The following DEPDC1B variants were observed in gnomAD, a reference collection of about 807,000 sequenced individuals.
DEPDC1B encodes DEP domain containing 1B, also known as DEP domain-containing protein 1B.
DEPDC1B carries 51 observed loss-of-function variants against 66.5 expected under a neutral mutation model. The ratio of observed to expected loss-of-function variants is 0.77; its 90% confidence interval spans 0.61 to 0.97. The LOEUF is 0.97. DEPDC1B is among the 50% of genes least tolerant of loss of function. The pLI, the probability that DEPDC1B is intolerant of heterozygous loss-of-function variation, is 0.00. For synonymous variants in DEPDC1B, 226 were observed against 223.6 expected, an observed-to-expected ratio of 1.01 and a Z score of -0.10; for missense variants, 552 against 637.1, an observed-to-expected ratio of 0.87 and a Z score of 1.44.
intron 2 of DEPDC1B, among the ~76,000 whole-genome samples, chr5:60,662,378 A>C (rs1753736995): frequency 6.6e-6 from 1 of 151,486 alleles, no homozygotes; most frequent in African/African-American, 2.4e-5. Flanking sequence ...ACAGAGTGAG[A>C]CTCCGTCTCA....
intron 7 of DEPDC1B, among the ~76,000 whole-genome samples, chr5:60,631,571 G>C (rs1752925589): frequency 6.6e-6 from 1 of 152,212 alleles, no homozygotes; most frequent in Non-Finnish European, 1.5e-5. Context: ...GGGAAAGCAA[G>C]TGGATTCTGG....
intron 1 of DEPDC1B, among the ~76,000 whole-genome samples, chr5:60,690,609 T>C (rs1338642405): frequency 6.6e-6 from 1 of 152,226 alleles, no homozygotes; most frequent in Non-Finnish European, 1.5e-5. Context: ...CATTTTCTCT[T>C]ACTCTTCTCT....
chr5:60,637,473 G>A (rs2111846815), intron 7 of DEPDC1B, among the ~76,000 whole-genome samples: 1 of 152,322 alleles, frequency 6.6e-6, no homozygotes, highest in East Asian at 1.9e-4. Flanking sequence ...TGAACAGTCT[G>A]CAGAACCATG....
intron 3 of DEPDC1B, 49 bp downstream of exon 3, chr5:60,647,349 A>G: frequency 6.5e-7 from 1 of 1,542,026 alleles, no homozygotes; most frequent in Middle Eastern, 1.7e-4. Flanking sequence ...GAGTTCATGG[A>G]TGATTCTCCC....
intron 7 of DEPDC1B, among the ~76,000 whole-genome samples, chr5:60,637,485 G>A (rs1753070291): frequency 6.6e-6 from 1 of 152,188 alleles, no homozygotes; most frequent in Non-Finnish European, 1.5e-5. Context: ...AGAACCATGA[G>A]CCAATTAAAC....
At chr5:60,679,477 T>G (rs888940356) in intron 2 of DEPDC1B, among the ~76,000 whole-genome samples, 4 of 146,306 alleles carry the variant, frequency 2.7e-5, no homozygotes. Flanking sequence ...AGAAAAGGAA[T>G]AGAAAGAAAG....
intron 2 of DEPDC1B, among the ~76,000 whole-genome samples, chr5:60,675,917 T>G (rs1202373456): frequency 2.0e-5 from 3 of 148,400 alleles, no homozygotes; most frequent in African/African-American, 7.7e-5. Context: ...TTTTTTTTTT[T>G]GTTTTTTGTT....
At chr5:60,683,726 T>C (rs1237694030) in intron 2 of DEPDC1B, among the ~76,000 whole-genome samples, 1 of 152,088 alleles carries the variant, frequency 6.6e-6, no homozygotes, top group Admixed American at 6.5e-5. Flanking sequence ...GTTTCACCAC[T>C]CTTACTGAAA....
intron 2 of DEPDC1B, among the ~76,000 whole-genome samples, chr5:60,682,053 C>A (rs371642705): frequency 9.9e-5 from 15 of 151,948 alleles, no homozygotes; most frequent in African/African-American, 3.4e-4. Flanking sequence ...AAAACTTTCT[C>A]GATTTGAAGA....
chr5:60,632,295 C>T (rs555168598), intron 7 of DEPDC1B, among the ~76,000 whole-genome samples: 1 of 152,288 alleles, frequency 6.6e-6, no homozygotes, highest in African/African-American at 2.4e-5. Flanking sequence ...ACTCCTCACC[C>T]CAAATCGGCT....
At chr5:60,662,404 C>T (rs1195769443) in intron 2 of DEPDC1B, among the ~76,000 whole-genome samples, 25 of 151,906 alleles carry the variant, frequency 1.6e-4, no homozygotes, top group Admixed American at 1.6e-3. Flanking sequence ...AAAAAACTTC[C>T]AAAGTCTGCC....
chr5:60,643,787 C>T (rs1753245010), intron 5 of DEPDC1B, among the ~76,000 whole-genome samples: 1 of 152,158 alleles, frequency 6.6e-6, no homozygotes, highest in African/African-American at 2.4e-5. Context: ...CATAAAGTCA[C>T]CACAAACTTA....
At chr5:60,664,062 T>A (rs940864437) in intron 2 of DEPDC1B, among the ~76,000 whole-genome samples, 1 of 152,224 alleles carries the variant, frequency 6.6e-6, no homozygotes, top group Non-Finnish European at 1.5e-5. Context: ...AGAAAGCCAA[T>A]ACCCATTTAG....
intron 2 of DEPDC1B, among the ~76,000 whole-genome samples, chr5:60,671,118 A>G (rs1197060873): frequency 6.6e-6 from 1 of 152,194 alleles, no homozygotes; most frequent in Non-Finnish European, 1.5e-5. Context: ...TTTGGGTCAC[A>G]CTACCAGGTA....
Position 60,698,090 on chromosome 5 carries a change from CTA to C in DEPDC1B, c.48+1954_48+1955del, listed in dbSNP as rs1453046821. Among the ~76,000 whole-genome samples, 3 of 152,140 alleles carry C rather than the reference CTA, an allele frequency of 2.0e-5. No individual in the cohort carries two copies. In the East Asian group the frequency reaches 5.8e-4, roughly 29 times the overall value. On this transcript the variant is annotated intron_variant, in intron 1 of 10. Transcript: ENST00000265036. ...AGTCACGTCAAGAACCACAGCCTTG[CTA>C]TGTTTTCCTTGTGTAAGTGCTGTAA...
chr5:60,675,187 A>G (rs1561387903), intron 2 of DEPDC1B, among the ~76,000 whole-genome samples: 2 of 152,170 alleles, frequency 1.3e-5, no homozygotes. Flanking sequence ...TGTAGGGCAC[A>G]GGGCCCTGCC....
At chr5:60,688,800 G>A (rs561837755) in intron 1 of DEPDC1B, among the ~76,000 whole-genome samples, 2 of 152,108 alleles carry the variant, frequency 1.3e-5, no homozygotes, top group Admixed American at 6.6e-5. Context: ...CAGATTTTGG[G>A]AGTCAAAAAT....
Position 60,597,800 on chromosome 5 carries a change from T to C in DEPDC1B, c.1543A>G (p.Lys515Glu), listed in dbSNP as rs1442196667. Reference protein sequence around the residue: ...PKPQLLMWALKKPFQPFQRTR... With the variant: ...PKPQLLMWALEKPFQPFQRTR... ...CTTTGAAATGGTTGGAAAGGCTTCT[T>C]TAGTGCCCACATTAGCAGCTGTGGT... Residue 515 changes from lysine (K) to glutamate (E), a missense_variant, in exon 11 of 11, where the codon AAG becomes GAG. Lys to Glu is a moderately conservative substitution (Grantham distance 56). Coordinates refer to ENST00000265036, the MANE Select transcript of DEPDC1B (RefSeq NM_018369.3). 3 of 1,613,298 alleles carry C rather than the reference T, an allele frequency of 1.9e-6. No homozygotes were observed. The highest frequency in any genetic ancestry group is 2.5e-6 in the Non-Finnish European group (3 of 1,179,648).
At chr5:60,692,652 C>T (rs1754573186) in intron 1 of DEPDC1B, among the ~76,000 whole-genome samples, 1 of 152,104 alleles carries the variant, frequency 6.6e-6, no homozygotes, top group Admixed American at 6.5e-5. Context: ...CACCTTATAA[C>T]TCAGCAATTC....
Sources: allele counts gnomAD v4.1 joint callset (sites outside exome capture counted in the v4.1 genomes callset), GRCh38; gene constraint gnomAD v4.1.1; transcripts MANE v1.5; gene names NCBI Gene and HGNC (gene_info 2026-07-23, HGNC 2026-07-21).